The following PLXDC1 variants were observed in gnomAD, a reference collection of about 807,000 sequenced individuals.
PLXDC1 encodes the protein plexin domain containing 1, also known as plexin domain-containing protein 1.
A neutral mutation model predicts 61.3 loss-of-function variants in PLXDC1; 39 were observed. That is an observed-to-expected ratio of 0.64 (90% CI 0.49 to 0.83). The LOEUF is 0.83. Ranked by LOEUF, PLXDC1 falls within the 40% of genes least tolerant of loss-of-function variation. The pLI, the probability that PLXDC1 is intolerant of heterozygous loss-of-function variation, is 0.00. For synonymous variants in PLXDC1, 212 were observed against 254.5 expected, an observed-to-expected ratio of 0.83 and a Z score of 1.59; for missense variants, 596 against 666.5, an observed-to-expected ratio of 0.89 and a Z score of 1.17.
chr17:39,085,110 T>G (rs1215726828), intron 8 of PLXDC1, among the ~76,000 whole-genome samples: 1 of 152,274 alleles, frequency 6.6e-6, no homozygotes, highest in African/African-American at 2.4e-5. Context: ...CCTGTGTGAA[T>G]TCTCATGTGA....
intron 4 of PLXDC1, 130 bp from the exon 5 acceptor site, chr17:39,108,375 T>A (rs1436841854): frequency 2.1e-6 from 2 of 965,778 alleles, no homozygotes; most frequent in Non-Finnish European, 3.2e-6. Flanking sequence ...CTGTCGCCCA[T>A]CCCCATCTGG....
chr17:39,096,787 C>A (rs531047869), intron 7 of PLXDC1: 15 of 392,506 alleles, frequency 3.8e-5, no homozygotes, highest in South Asian at 3.8e-5. Context: ...TGCTTTTATA[C>A]TAACCATGAA....
At chr17:39,126,889 G>A (rs1911327038) in intron 2 of PLXDC1, 1 of 152,156 alleles carries the variant, frequency 6.6e-6, no homozygotes, top group African/African-American at 2.4e-5. Flanking sequence ...CGATGTCATT[G>A]GAGGACCTAC....
intron 2 of PLXDC1, among the ~76,000 whole-genome samples, chr17:39,132,276 T>G (rs1344956554): frequency 6.6e-6 from 1 of 152,092 alleles, no homozygotes; most frequent in African/African-American, 2.4e-5. Flanking sequence ...GAATAAATTG[T>G]GGCACATCCC....
intron 2 of PLXDC1, among the ~76,000 whole-genome samples, chr17:39,116,701 ACACG>A (rs1910977932): frequency 4.6e-5 from 7 of 152,224 alleles, no homozygotes; most frequent in Admixed American, 1.3e-4. Context: ...CCCAGCTTCA[ACACG>A]GAGGACATGT....
intron 7 of PLXDC1, among the ~76,000 whole-genome samples, chr17:39,099,782 G>C (rs981005556): frequency 6.6e-6 from 1 of 152,142 alleles, no homozygotes; most frequent in Non-Finnish European, 1.5e-5. Context: ...GAAGATCCAA[G>C]ACACTGTCCA....
At chr17:39,095,029 C>T (rs1910096903) in intron 7 of PLXDC1, among the ~76,000 whole-genome samples, 2 of 152,070 alleles carry the variant, frequency 1.3e-5, no homozygotes, top group African/African-American at 2.4e-5. Context: ...GAACTGAGTT[C>T]GAGGATAGAG....
intron 7 of PLXDC1, among the ~76,000 whole-genome samples, chr17:39,097,757 C>G (rs922616065): frequency 1.0e-4 from 15 of 148,782 alleles, no homozygotes; most frequent in African/African-American, 3.5e-4. Context: ...AATAAATAAG[C>G]TGGGCATGGT....
At chr17:39,091,783 C>T (rs1909960383) in intron 7 of PLXDC1, among the ~76,000 whole-genome samples, 1 of 151,892 alleles carries the variant, frequency 6.6e-6, no homozygotes, top group Non-Finnish European at 1.5e-5. Context: ...CATGGTGAAA[C>T]CCCGTCTCTA....
chr17:39,118,449 C>T (rs1911062185), intron 2 of PLXDC1, among the ~76,000 whole-genome samples: 2 of 152,058 alleles, frequency 1.3e-5, no homozygotes, highest in African/African-American at 4.8e-5. Flanking sequence ...GGTGATCCAC[C>T]CACCTTGGTC....
At chr17:39,082,396 A>G (rs773290030) in intron 9 of PLXDC1, among the ~76,000 whole-genome samples, 2 of 152,072 alleles carry the variant, frequency 1.3e-5, no homozygotes, top group Non-Finnish European at 2.9e-5. Flanking sequence ...CCCCATCTCT[A>G]CTAGAAAAAT....
Position 39,064,971 on chromosome 17 carries a change from C to G in PLXDC1, c.*2869G>C, listed in dbSNP as rs1908839099. On this transcript the variant is annotated 3_prime_UTR_variant, in exon 14 of 14. Coordinates refer to ENST00000315392, the MANE Select transcript of PLXDC1 (RefSeq NM_020405.5). Reference sequence around the variant, plus strand: ...GGGCAGTTCCTGCTGTGGCCTGATTCCATGGACAGCACCACTCATCTCACT... The same window carrying G: ...GGGCAGTTCCTGCTGTGGCCTGATTGCATGGACAGCACCACTCATCTCACT... 1 of 152,182 alleles carries G rather than the reference C, an allele frequency of 6.6e-6. No homozygotes were observed. Among genetic ancestry groups the G allele is most frequent in the South Asian group, 2.1e-4 (1 of 4,836 alleles). 9.4% of individuals were successfully genotyped at this position (152,182 alleles called of 1,614,324 possible).
At chr17:39,090,735 T>C (rs1909916690) in intron 7 of PLXDC1, among the ~76,000 whole-genome samples, 2 of 152,254 alleles carry the variant, frequency 1.3e-5, no homozygotes, top group African/African-American at 4.8e-5. Context: ...GCTTTTTTGC[T>C]GTTCTTCTCA....
At chr17:39,071,387 G>C (rs1191366936) in intron 12 of PLXDC1, among the ~76,000 whole-genome samples, 1 of 128,944 alleles carries the variant, frequency 7.8e-6, no homozygotes, top group Non-Finnish European at 1.7e-5. Flanking sequence ...GGTTGGGAGG[G>C]AACTAGGGGT....
chr17:39,096,460 C>T (rs1158202542), intron 7 of PLXDC1, among the ~76,000 whole-genome samples: 1 of 152,228 alleles, frequency 6.6e-6, no homozygotes, highest in Admixed American at 6.5e-5. Context: ...TCAGCTTCTC[C>T]CTGCACCCAC....
chr17:39,086,878 AAAG>A (rs1163327087), intron 8 of PLXDC1, among the ~76,000 whole-genome samples: 4 of 150,856 alleles, frequency 2.7e-5, no homozygotes, highest in Non-Finnish European at 4.4e-5. Context: ...AAAAAAAAAA[AAAG>A]AAGAAGAAAA....
upstream of PLXDC1, chr17:39,151,749 C>T (rs1047434561): frequency 9.1e-6 from 2 of 220,464 alleles, no homozygotes; most frequent in Non-Finnish European, 1.6e-5. The surrounding 1 kb of genome is among the most constrained non-coding windows in gnomAD (Gnocchi z 5.2). Flanking sequence ...CTGCCCTCAG[C>T]CCTAACGGAG....
At chr17:39,130,859 G>GACAA (rs1911537557) in intron 2 of PLXDC1, among the ~76,000 whole-genome samples, 1 of 152,066 alleles carries the variant, frequency 6.6e-6, no homozygotes, top group African/African-American at 2.4e-5. Flanking sequence ...ACCGCACCCA[G>GACAA]CCTAAAATGG....
At chr17:39,094,503 GCC>G (rs1412109086) in intron 7 of PLXDC1, among the ~76,000 whole-genome samples, 1 of 151,332 alleles carries the variant, frequency 6.6e-6, no homozygotes, top group Admixed American at 6.6e-5. Context: ...CCCCGACCCG[GCC>G]CCACTCTGAG....
Sources: allele counts gnomAD v4.1 joint callset (sites outside exome capture counted in the v4.1 genomes callset), GRCh38; gene constraint gnomAD v4.1.1; non-coding constraint Gnocchi (gnomAD v3.1); transcripts MANE v1.5; gene names NCBI Gene and HGNC (gene_info 2026-07-23, HGNC 2026-07-21).